CCDC191: variants seen among roughly 807,000 people sequenced by gnomAD.
CCDC191 encodes the protein coiled-coil domain-containing protein 191.
In CCDC191, 99 loss-of-function variants were observed where a neutral mutation model predicts 114.0. The ratio of observed to expected loss-of-function variants is 0.87; its 90% CI spans 0.74 to 1.03. The LOEUF (loss-of-function observed/expected upper bound fraction) is 1.03, where lower values mean the gene tolerates loss of function less well. CCDC191 is among the 50% of genes least tolerant of loss of function. The pLI is 0.00. For synonymous variants in CCDC191, 351 were observed against 376.0 expected (o/e 0.93, Z 0.77); for missense variants, 973 against 1,087.0 (o/e 0.90, Z 1.47).
Position 113,965,321 on chromosome 3 carries a change from A to T in CCDC191, c.2645T>A (p.Phe882Tyr). 1 of 1,609,456 alleles carries T rather than the reference A, an allele frequency of 6.2e-7. No homozygotes were observed. The highest frequency in any genetic ancestry group is 8.5e-7 in the Non-Finnish European group (1 of 1,177,906). The change falls in exon 17 of 17, where the codon TTT becomes TAT. Residue 882 changes from phenylalanine to tyrosine, a missense_variant. Coordinates refer to ENST00000295878, the MANE Select transcript of CCDC191 (RefSeq NM_020817.2). ...LWITLRTWKK[F>Y]VKFMKEERVK... ...TCTTTCCTCTTTCATAAATTTTACA[A>T]ACTTCTTCCATGTCCGAAGGGTGAT...
At chr3:113,965,493 G>C in intron 16 of CCDC191, 134 bp from the exon 17 acceptor site, 1 of 509,150 alleles carries the variant, frequency 2.0e-6, no homozygotes, top group South Asian at 3.8e-5. Flanking sequence ...AATCACAATC[G>C]GGATTATGAC....
rs757568225 is a variant in CCDC191 at position 114,031,780 on chromosome 3, CTATTAA to C, written c.819-7_819-2del. The C allele has an allele frequency of 7.9e-7, 1 of 1,261,398 alleles. No individual in the cohort carries two copies. The highest frequency in any genetic ancestry group is 1.1e-6 in the Non-Finnish European group (1 of 883,548). The allele number at this position is 1,261,398 out of a possible 1,614,324, so 78.1% of individuals were successfully genotyped here. A position where few individuals can be genotyped will look rare whatever the true frequency, so the allele number is the denominator to read the frequency against. On this transcript the variant is annotated splice_acceptor_variant and splice_polypyrimidine_tract_variant and intron_variant, in intron 6 of 16. Transcript: ENST00000295878. LOFTEE classifies it high-confidence loss of function. ...ATTCTCTTCTTGCCTTTTCTTCTCT[CTATTAA>C]TAACAATTTAAAAATACATGTATAT...
chr3:114,011,832 G>A (rs921493817), intron 8 of CCDC191, among the ~76,000 whole-genome samples: 3 of 152,202 alleles, frequency 2.0e-5, no homozygotes, highest in African/African-American at 7.2e-5. Flanking sequence ...AGGAGATTTG[G>A]TGGCAGTCAG....
In CCDC191 at chr3:114,011,727, T is replaced by C. The variant is rs141062080; in HGVS notation, c.1164-706A>G. Among the ~76,000 whole-genome samples the C allele has an allele frequency of 3.1e-3, 467 of 152,338 alleles. 2 individuals carry two copies. Among genetic ancestry groups the C allele is most frequent in the African/African-American group, 0.011 (452 of 41,574 alleles). On this transcript the variant is annotated intron_variant, in intron 8 of 16. Transcript: ENST00000295878. ...CTAAGGAAGAGCTCACTTTGATTCC[T>C]GGAAACTTTATAAATGTTAGGGAAT...
At chr3:113,983,365 T>G (rs147778285) in intron 13 of CCDC191, among the ~76,000 whole-genome samples, 1 of 152,192 alleles carries the variant, frequency 6.6e-6, no homozygotes, top group African/African-American at 2.4e-5. Flanking sequence ...ATTATAAACA[T>G]TGACTTGTTT....
At chr3:114,011,584 C>T (rs1365900839) in intron 8 of CCDC191, among the ~76,000 whole-genome samples, 1 of 152,180 alleles carries the variant, frequency 6.6e-6, no homozygotes, top group Non-Finnish European at 1.5e-5. Flanking sequence ...GACTCATTTA[C>T]CAAACCCTTG....
At chr3:114,046,468 G>A (rs762002721) in intron 3 of CCDC191, 123 bp downstream of exon 3, 79 of 697,540 alleles carry the variant, frequency 1.1e-4, no homozygotes, top group Non-Finnish European at 1.9e-4. Flanking sequence ...ATAGTTTCAG[G>A]GGAGTAGAAA....
intron 8 of CCDC191, among the ~76,000 whole-genome samples, chr3:114,016,314 A>C (rs1484793994): frequency 6.6e-6 from 1 of 152,206 alleles, no homozygotes; most frequent in Non-Finnish European, 1.5e-5. Flanking sequence ...ATCAAGTTAA[A>C]TTGCAGGAGA....
intron 13 of CCDC191, among the ~76,000 whole-genome samples, chr3:113,986,928 C>G (rs2107626199): frequency 6.6e-6 from 1 of 152,224 alleles, no homozygotes; most frequent in Non-Finnish European, 1.5e-5. Flanking sequence ...TGCAGGCACC[C>G]TGATCTTGGA....
Position 114,056,510 on chromosome 3 carries a change from G to A in CCDC191, c.-44C>T, listed in dbSNP as rs1403878222. The A allele has an allele frequency of 1.1e-5, 18 of 1,613,034 alleles. No individual in the cohort carries two copies. The highest frequency in any genetic ancestry group is 1.4e-5 in the Non-Finnish European group (16 of 1,179,912). ...AACCTCGGCCAAAGCTGCAGCAACC[G>A]CCCTTCTGCCCGGGCTGCCTCCGGG... is the stretch of plus-strand genomic sequence containing the variant. On this transcript the variant is annotated 5_prime_UTR_variant, in exon 1 of 17. Transcript: ENST00000295878.
At chr3:114,048,545 G>C (rs1220091052) in intron 2 of CCDC191, among the ~76,000 whole-genome samples, 1 of 152,134 alleles carries the variant, frequency 6.6e-6, no homozygotes, top group Non-Finnish European at 1.5e-5. Flanking sequence ...TCCCAGCTTA[G>C]GGCCTTTGTA....
At chr3:114,049,177 ATTAGAG>A (rs1209056374) in intron 2 of CCDC191, among the ~76,000 whole-genome samples, 5 of 152,194 alleles carry the variant, frequency 3.3e-5, no homozygotes, top group Non-Finnish European at 7.4e-5. Context: ...ACATGATCTC[ATTAGAG>A]TTAGAGTCAA....
At chr3:114,044,996 C>A (rs2076609938) in intron 3 of CCDC191, among the ~76,000 whole-genome samples, 2 of 152,126 alleles carry the variant, frequency 1.3e-5, no homozygotes. Flanking sequence ...GTGTTCTATC[C>A]ATATACCAAA....
At chr3:114,024,060 C>T (rs2076283020) in intron 7 of CCDC191, among the ~76,000 whole-genome samples, 1 of 151,372 alleles carries the variant, frequency 6.6e-6, no homozygotes, top group Non-Finnish European at 1.5e-5. Context: ...TTGAACACTT[C>T]TCAAAAGACA....
At chr3:113,968,518 G>A (rs1282694144) in intron 16 of CCDC191, among the ~76,000 whole-genome samples, 1 of 151,316 alleles carries the variant, frequency 6.6e-6, no homozygotes, top group Non-Finnish European at 1.5e-5. Flanking sequence ...GTGTGATGTT[G>A]GTTCACTTCT....
chr3:114,052,131 G>T (rs1328428271), intron 2 of CCDC191, among the ~76,000 whole-genome samples: 3 of 151,934 alleles, frequency 2.0e-5, no homozygotes, highest in African/African-American at 7.3e-5. Context: ...ATATGAAAAA[G>T]AAATCGTTCA....
intron 8 of CCDC191, 45 bp downstream of exon 8, chr3:114,018,633 A>G (rs897538339): frequency 6.1e-6 from 9 of 1,471,964 alleles, no homozygotes; most frequent in Non-Finnish European, 8.4e-6. Flanking sequence ...GGAGGGAAAT[A>G]TCCTAGATAA....
intron 13 of CCDC191, among the ~76,000 whole-genome samples, chr3:113,990,292 A>G (rs796852534): frequency 6.6e-6 from 1 of 152,176 alleles, no homozygotes; most frequent in Non-Finnish European, 1.5e-5. Flanking sequence ...TAAAAAGGTC[A>G]TAAGAGAATA....
At chr3:114,004,601 T>C (rs763824414) in intron 11 of CCDC191, 36 bp downstream of exon 11, 1 of 1,598,554 alleles carries the variant, frequency 6.3e-7, no homozygotes, top group African/African-American at 1.4e-5. Context: ...GGAGAGAAGA[T>C]AACAACCACC....
Sources: allele counts gnomAD v4.1 joint callset (sites outside exome capture counted in the v4.1 genomes callset), GRCh38; gene constraint gnomAD v4.1.1; transcripts MANE v1.5; gene names NCBI Gene and HGNC (gene_info 2026-07-23, HGNC 2026-07-21).